Variants in IMPG1 observed in about 807,000 individuals in gnomAD.
IMPG1 encodes interphotoreceptor matrix proteoglycan 1.
Under a neutral mutation model 92.0 loss-of-function variants are expected in IMPG1, and 85 were observed. That is an observed-to-expected ratio of 0.92 (90% CI 0.78 to 1.11). The LOEUF (loss-of-function observed/expected upper bound fraction) is 1.11. IMPG1 is among the 50% of genes least tolerant of loss of function. IMPG1 has a pLI of 0.00. For synonymous variants in IMPG1, 367 were observed against 334.1 expected (o/e 1.10, Z -1.08); for missense variants, 1,022 against 956.0 (o/e 1.07, Z -0.91).
intron 12 of IMPG1, among the ~76,000 whole-genome samples, chr6:75,974,090 C>T (rs999855490): frequency 4.6e-5 from 7 of 152,308 alleles, no homozygotes; most frequent in Non-Finnish European, 8.8e-5. Context: ...AGAGAATGAC[C>T]TTAAATAATT....
chr6:75,964,693 A>AG (rs1410285086), intron 12 of IMPG1, among the ~76,000 whole-genome samples: 1 of 142,404 alleles, frequency 7.0e-6, no homozygotes, highest in Non-Finnish European at 1.6e-5. Flanking sequence ...AAAAAAAAAA[A>AG]AGAGAGAGAG....
At chr6:76,070,300 C>T (rs1053281802) in intron 1 of IMPG1, among the ~76,000 whole-genome samples, 28 of 151,964 alleles carry the variant, frequency 1.8e-4, no homozygotes, top group African/African-American at 5.8e-4. Context: ...TAAGTCAGAA[C>T]GGCTATTTTT....
chr6:76,061,847 G>A (rs997482582), intron 1 of IMPG1, among the ~76,000 whole-genome samples: 1 of 152,172 alleles, frequency 6.6e-6, no homozygotes, highest in East Asian at 1.9e-4. Context: ...AAAGAAAGGA[G>A]CCTTGGTGTC....
rs925608736 is a variant in IMPG1, at chr6:76,005,343, C to G, written c.1079G>C (p.Ser360Thr). The G allele has an allele frequency of 3.7e-6, 6 of 1,613,888 alleles. No homozygotes were observed. The African/African-American group carries it at 6.7e-5, about 18-fold the overall frequency. Residue 360 changes from serine to threonine, a missense_variant, in exon 10 of 17, where the codon AGC (serine) becomes ACC (threonine). By Grantham distance (58) the Ser-to-Thr change is moderately conservative. Around this residue, in one of 3 missense-constraint regions of IMPG1, gnomAD observed 681 missense variants for 583.6 expected, o/e 1.17. Coordinates refer to ENST00000369950, the MANE Select transcript of IMPG1 (RefSeq NM_001563.4). ...AGATTGTTCTTCCTCTAGTGCTTTG[C>G]TGATCAGCCTTTTGAGGTCTGTAGC... is the stretch of plus-strand genomic sequence containing the variant. ...LTATDLKRLI[S>T]KALEEEQSLD...
intron 2 of IMPG1, among the ~76,000 whole-genome samples, chr6:76,035,289 G>C (rs1490070185): frequency 6.6e-6 from 1 of 151,952 alleles, no homozygotes; most frequent in Non-Finnish European, 1.5e-5. Context: ...GATCACCTGA[G>C]GTCAGGAGTT....
chr6:75,983,621 T>G (rs1782665807), intron 12 of IMPG1, among the ~76,000 whole-genome samples: 1 of 152,068 alleles, frequency 6.6e-6, no homozygotes, highest in African/African-American at 2.4e-5. Flanking sequence ...ACTCTAAATC[T>G]ACCAGAAGAA....
rs1382544917 is a variant in IMPG1, at chr6:75,934,953, G to A, written c.2045-3802C>T. On this transcript the variant is annotated intron_variant, in intron 14 of 16. Coordinates refer to ENST00000369950, the MANE Select transcript of IMPG1 (RefSeq NM_001563.4). ...GGACAGAAAGTGATACATCTCCTTT[G>A]ATTGGATCCTGTCCAAGGGCAAGGT... 1.1e-5 allele frequency: 5 copies of A among 471,456 alleles called. No individual in the cohort carries two copies. The East Asian group carries it at 3.5e-4, about 33-fold the overall frequency. The allele number at this position is 471,456 out of a possible 1,614,324, so 29.2% of individuals were successfully genotyped here. A position where few individuals can be genotyped will look rare whatever the true frequency, so the allele number is the denominator to read the frequency against.
chr6:76,014,037 G>A (rs1319673483), intron 7 of IMPG1, among the ~76,000 whole-genome samples: 2 of 152,140 alleles, frequency 1.3e-5, no homozygotes, highest in African/African-American at 2.4e-5. Context: ...CTCTTTGTAC[G>A]GGATGGGGTT....
intron 13 of IMPG1, 51 bp from the exon 14 acceptor site, chr6:75,947,584 G>T: frequency 2.4e-6 from 3 of 1,247,068 alleles, no homozygotes; most frequent in Non-Finnish European, 3.5e-6. Flanking sequence ...GTGCTCAGCT[G>T]CTGCTAATTC....
At chr6:75,988,023 G>A (rs1212392345) in intron 12 of IMPG1, among the ~76,000 whole-genome samples, 1 of 152,146 alleles carries the variant, frequency 6.6e-6, no homozygotes, top group Non-Finnish European at 1.5e-5. Context: ...GTCTATCATT[G>A]ATGGACATTT....
chr6:75,984,781 A>G (rs778545852), intron 12 of IMPG1, among the ~76,000 whole-genome samples: 14 of 152,160 alleles, frequency 9.2e-5, no homozygotes, highest in Non-Finnish European at 1.6e-4. Flanking sequence ...CCCCTTGGCT[A>G]GGATTGAGTT....
At chr6:75,975,331 C>G (rs936734837) in intron 12 of IMPG1, among the ~76,000 whole-genome samples, 2 of 152,196 alleles carry the variant, frequency 1.3e-5, no homozygotes, top group African/African-American at 4.8e-5. Context: ...CAGTTCTGAT[C>G]AGGACATATC....
chr6:76,045,241 A>T (rs1188783301), intron 1 of IMPG1, among the ~76,000 whole-genome samples: 1 of 152,198 alleles, frequency 6.6e-6, no homozygotes, highest in Admixed American at 6.5e-5. Flanking sequence ...TCTTTCCTCT[A>T]GGATGTACCA....
chr6:76,024,053 T>C lies in IMPG1; in HGVS notation c.562+1141A>G, dbSNP rs113506851. On this transcript the variant is annotated intron_variant, in intron 5 of 16. Coordinates refer to ENST00000369950, the MANE Select transcript of IMPG1 (RefSeq NM_001563.4). ...TGTTTATATGGGGGAATTAACTATG[T>C]AGCTCTTCTTTTTATTGTTAAAAAT... is the stretch of plus-strand genomic sequence containing the variant. 1.5e-3 allele frequency among the ~76,000 whole-genome samples: 224 copies of C among 152,292 alleles called. 1 individual carries two copies. The highest frequency in any genetic ancestry group is 5.2e-3 in the African/African-American group (215 of 41,588).
chr6:75,949,662 C>A (rs897023043), intron 13 of IMPG1, among the ~76,000 whole-genome samples: 2 of 152,088 alleles, frequency 1.3e-5, no homozygotes, highest in Admixed American at 1.3e-4. Context: ...GACTAGGACC[C>A]CTTTTCTGTA....
chr6:75,979,352 T>C (rs1343571953), intron 12 of IMPG1, among the ~76,000 whole-genome samples: 10 of 152,010 alleles, frequency 6.6e-5, no homozygotes, highest in Admixed American at 6.6e-4. Flanking sequence ...TGTGTAGAGG[T>C]GGATGGAAAA....
At chr6:76,066,992 A>G (rs1422990165) in intron 1 of IMPG1, among the ~76,000 whole-genome samples, 2 of 152,036 alleles carry the variant, frequency 1.3e-5, no homozygotes, top group Non-Finnish European at 2.9e-5. Context: ...AAAAAAATTG[A>G]AACTTACGAA....
At chr6:76,047,366 C>T (rs1783963166) in intron 1 of IMPG1, among the ~76,000 whole-genome samples, 1 of 152,178 alleles carries the variant, frequency 6.6e-6, no homozygotes, top group South Asian at 2.1e-4. Context: ...ATTCATTGCT[C>T]CCTCCTGTTC....
chr6:75,990,737 A>T (rs1177807340), intron 12 of IMPG1, among the ~76,000 whole-genome samples: 3 of 151,582 alleles, frequency 2.0e-5, no homozygotes, highest in Non-Finnish European at 4.4e-5. Context: ...GCCTGTGTAG[A>T]CTCCCCTCCT....
Sources: allele counts gnomAD v4.1 joint callset (sites outside exome capture counted in the v4.1 genomes callset), GRCh38; gene constraint gnomAD v4.1.1; regional missense constraint gnomAD v4.1.1; transcripts MANE v1.5; gene names NCBI Gene and HGNC (gene_info 2026-07-23, HGNC 2026-07-21).